Variants in SHLD2 observed in about 807,000 individuals in gnomAD.
SHLD2 encodes the protein RINN1-REV7-interacting novel NHEJ regulator 2.
In SHLD2, 30 loss-of-function variants were observed where a neutral mutation model predicts 73.2. The observed-to-expected ratio is 0.41, with a 90% CI of 0.31 to 0.56. The LOEUF (loss-of-function observed/expected upper bound fraction) is 0.56, where lower values mean the gene tolerates loss of function less well. Among genes scored for constraint, SHLD2 ranks in the 20% least tolerant of loss-of-function variants. The probability of loss-of-function intolerance (pLI) is 0.28; values close to 1 mark genes in which losing one functional copy is unlikely to be tolerated. For synonymous variants in SHLD2, 285 were observed against 370.1 expected (o/e 0.77, Z 2.64); for missense variants, 745 against 1,055.9 (o/e 0.71, Z 4.08).
At chr10:87,107,882 T>A (rs1842697976) in intron 2 of SHLD2, among the ~76,000 whole-genome samples, 1 of 151,904 alleles carries the variant, frequency 6.6e-6, no homozygotes, top group African/African-American at 2.4e-5. Flanking sequence ...GATGACTTTT[T>A]GTTTGTTTGT....
chr10:87,116,753 A>G (rs1435940854), intron 2 of SHLD2, among the ~76,000 whole-genome samples: 5 of 152,200 alleles, frequency 3.3e-5, no homozygotes, highest in Admixed American at 6.5e-5. Context: ...ATATATTTGT[A>G]TGAATGATCT....
intron 9 of SHLD2, among the ~76,000 whole-genome samples, chr10:87,187,565 C>T (rs1209140499): frequency 6.6e-6 from 1 of 152,154 alleles, no homozygotes; most frequent in Non-Finnish European, 1.5e-5. Context: ...ACCGTGATGT[C>T]TTAGTTGTCA....
chr10:87,105,995 A>ATTGGTTT (rs1234115727), intron 2 of SHLD2, among the ~76,000 whole-genome samples: 3 of 152,076 alleles, frequency 2.0e-5, no homozygotes, highest in Admixed American at 6.6e-5. Context: ...AAAAGGAATA[A>ATTGGTTT]TTGGTTTTGT....
chr10:87,179,716 A>C (rs1848188219), intron 7 of SHLD2, among the ~76,000 whole-genome samples: 1 of 152,130 alleles, frequency 6.6e-6, no homozygotes, highest in South Asian at 2.1e-4. Flanking sequence ...TTGGCTTTTC[A>C]CTATGATCAG....
chr10:87,117,198 T>C (rs1169732001), intron 2 of SHLD2, among the ~76,000 whole-genome samples: 1 of 152,050 alleles, frequency 6.6e-6, no homozygotes. Flanking sequence ...GGTGGGCGGA[T>C]CACCTGAGGT....
intron 3 of SHLD2, among the ~76,000 whole-genome samples, chr10:87,156,068 T>C (rs1846402309): frequency 7.4e-6 from 1 of 134,294 alleles, no homozygotes; most frequent in Admixed American, 7.4e-5. Context: ...GAAATCTTCC[T>C]TTTTTTTTTT....
intron 2 of SHLD2, among the ~76,000 whole-genome samples, chr10:87,143,926 C>T (rs1300139523): frequency 1.3e-5 from 2 of 149,002 alleles, no homozygotes; most frequent in African/African-American, 5.0e-5. Context: ...TACAGTGACG[C>T]GATCTTGGCT....
chr10:87,178,360 T>C (rs1327805622), intron 7 of SHLD2, among the ~76,000 whole-genome samples: 1 of 151,524 alleles, frequency 6.6e-6, no homozygotes, highest in Non-Finnish European at 1.5e-5. Context: ...GATATGCCCA[T>C]GTAACAAACC....
chr10:87,112,287 A>C (rs955856284), intron 2 of SHLD2, among the ~76,000 whole-genome samples: 1 of 151,450 alleles, frequency 6.6e-6, no homozygotes, highest in African/African-American at 2.4e-5. Flanking sequence ...CTCCAAAGAA[A>C]ATGTGCAAAT....
chr10:87,184,508 C>G (rs562809095), intron 8 of SHLD2, among the ~76,000 whole-genome samples: 3 of 152,172 alleles, frequency 2.0e-5, no homozygotes, highest in African/African-American at 7.2e-5. Context: ...ACCTGTTGCG[C>G]AAACCAGCAC....
intron 2 of SHLD2, among the ~76,000 whole-genome samples, chr10:87,147,971 C>T (rs1845741899): frequency 6.6e-6 from 1 of 151,866 alleles, no homozygotes; most frequent in Admixed American, 6.6e-5. Context: ...GATTCTCATG[C>T]CTCAGCCTCC....
intron 3 of SHLD2, among the ~76,000 whole-genome samples, chr10:87,153,809 C>A (rs1846182470): frequency 6.6e-6 from 1 of 152,104 alleles, no homozygotes; most frequent in Admixed American, 6.5e-5. Flanking sequence ...TGTCATACAT[C>A]TAGGAAGTGG....
intron 2 of SHLD2, among the ~76,000 whole-genome samples, chr10:87,103,960 A>G (rs966670716): frequency 1.3e-5 from 2 of 152,130 alleles, no homozygotes; most frequent in African/African-American, 4.8e-5. Context: ...CTGGCCGGGC[A>G]TGGTGGCTCA....
chr10:87,155,648 A>T (rs1274195725), intron 3 of SHLD2, among the ~76,000 whole-genome samples: 2 of 151,544 alleles, frequency 1.3e-5, no homozygotes, highest in Non-Finnish European at 2.9e-5. Context: ...TGGTCATTTT[A>T]CCGAGGCAAT....
chr10:87,160,661 T>TTA (rs1183396702), intron 4 of SHLD2, among the ~76,000 whole-genome samples: 1 of 152,080 alleles, frequency 6.6e-6, no homozygotes, highest in African/African-American at 2.4e-5. Flanking sequence ...ACTATTCATC[T>TTA]TATACTAGAA....
At chr10:87,122,443 G>A (rs1166732771) in intron 2 of SHLD2, among the ~76,000 whole-genome samples, 1 of 151,976 alleles carries the variant, frequency 6.6e-6, no homozygotes, top group Non-Finnish European at 1.5e-5. Flanking sequence ...TTGTTTTATT[G>A]TATGCTTTTA....
rs752698406 is a variant in SHLD2 at position 87,170,682 on chromosome 10, T to C, written c.1828+10T>C. The C allele has an allele frequency of 3.8e-5, 60 of 1,597,674 alleles. 1 individual carries two copies. The South Asian group carries it at 6.6e-4, about 18-fold the overall frequency. On this transcript the variant is annotated intron_variant, in intron 5 of 9. Coordinates refer to ENST00000298786, the MANE Select transcript of SHLD2 (RefSeq NM_001330112.2). ...TTCACTATACTGACAGGTAAATATTTTGACTGCCTCCTTAATTTTAGATTA... is the reference window on the plus strand; with the variant it reads ...TTCACTATACTGACAGGTAAATATTCTGACTGCCTCCTTAATTTTAGATTA...
chr10:87,121,678 G>A (rs1843629691), intron 2 of SHLD2, among the ~76,000 whole-genome samples: 1 of 151,886 alleles, frequency 6.6e-6, no homozygotes, highest in South Asian at 2.1e-4. Context: ...CATTGTGAAC[G>A]AATGTTGGGC....
At chr10:87,184,120 T>C (rs546695660) in intron 8 of SHLD2, among the ~76,000 whole-genome samples, 1 of 152,314 alleles carries the variant, frequency 6.6e-6, no homozygotes, top group South Asian at 2.1e-4. Flanking sequence ...ATTTTTATAC[T>C]TTCTGGAAAA....
Sources: gnomAD v4.1 joint callset for allele counts (sites outside exome capture counted in the v4.1 genomes callset) on GRCh38, gnomAD v4.1.1 for gene constraint, MANE v1.5 for transcripts, NCBI Gene and HGNC (gene_info 2026-07-23, HGNC 2026-07-21) for gene names.